PDE1A: variants seen among roughly 807,000 people sequenced by gnomAD.
The protein encoded by PDE1A is phosphodiesterase 1A.
PDE1A carries 35 observed loss-of-function variants against 61.7 expected under a neutral mutation model. That is an observed-to-expected ratio of 0.57 (90% confidence interval 0.43 to 0.75). The LOEUF (loss-of-function observed/expected upper bound fraction) is 0.75, where lower values mean the gene tolerates loss of function less well. Among genes scored for constraint, PDE1A ranks in the 30% least tolerant of loss-of-function variants. The pLI is 0.00. For synonymous variants in PDE1A, 232 were observed against 213.2 expected (o/e 1.09, Z -0.77); for missense variants, 597 against 630.6 (o/e 0.95, Z 0.57).
chr2:182,570,765 G>C, the PDE1A span, among the ~76,000 whole-genome samples: 1 of 152,108 alleles, frequency 6.6e-6, no homozygotes, highest in Non-Finnish European at 1.5e-5. Context: ...TCTTCATCTT[G>C]CTTCTGAGTT....
At chr2:182,639,985 TA>T in the PDE1A span, among the ~76,000 whole-genome samples, 93,257 of 151,498 alleles carry the variant, frequency 0.62, 28,938 homozygotes, top group Admixed American at 0.71. Context: ...TAAAGGATGT[TA>T]AAAAAAATGG....
the PDE1A span, among the ~76,000 whole-genome samples, chr2:182,670,147 A>G: frequency 1.3e-5 from 2 of 152,230 alleles, no homozygotes; most frequent in Non-Finnish European, 2.9e-5. Context: ...AGTGCCCAGT[A>G]CAACCCCATG....
intron 1 of PDE1A, among the ~76,000 whole-genome samples, chr2:182,373,169 T>C (rs942994076): frequency 2.6e-5 from 4 of 152,196 alleles, no homozygotes; most frequent in East Asian, 1.9e-4. Context: ...ATCCTGAATC[T>C]TGGGGTTTAG....
chr2:182,192,655 G>T (rs1685796998), intron 10 of PDE1A, among the ~76,000 whole-genome samples: 1 of 152,084 alleles, frequency 6.6e-6, no homozygotes, highest in African/African-American at 2.4e-5. Flanking sequence ...ATTTGAGGAT[G>T]CTGCCTTCAG....
At chr2:182,203,495 T>C (rs1360668638) in intron 8 of PDE1A, among the ~76,000 whole-genome samples, 2 of 152,160 alleles carry the variant, frequency 1.3e-5, no homozygotes, top group African/African-American at 2.4e-5. Flanking sequence ...ATTACATTTT[T>C]TTCGCTGAAA....
At chr2:182,285,758 G>A (rs570471609) in intron 1 of PDE1A, among the ~76,000 whole-genome samples, 1 of 152,188 alleles carries the variant, frequency 6.6e-6, no homozygotes, top group South Asian at 2.1e-4. Flanking sequence ...TGAGGACAGT[G>A]AGGAAACACA....
the PDE1A span, among the ~76,000 whole-genome samples, chr2:182,553,532 C>G: frequency 1.3e-5 from 2 of 152,132 alleles, no homozygotes; most frequent in African/African-American, 4.8e-5. Flanking sequence ...GCCTGGCATA[C>G]AAAGATTTTT....
chr2:182,372,254 A>T (rs1700162327), intron 1 of PDE1A, among the ~76,000 whole-genome samples: 1 of 152,228 alleles, frequency 6.6e-6, no homozygotes, highest in African/African-American at 2.4e-5. Context: ...CATAACTGCT[A>T]TGAGGAGGAA....
At chr2:182,556,850 C>T in the PDE1A span, among the ~76,000 whole-genome samples, 3 of 152,104 alleles carry the variant, frequency 2.0e-5, no homozygotes, top group Non-Finnish European at 2.9e-5. Context: ...AAGCCTGGTA[C>T]TTAAACACTA....
chr2:182,693,647 T>C, the PDE1A span, among the ~76,000 whole-genome samples: 1 of 150,122 alleles, frequency 6.7e-6, no homozygotes, highest in African/African-American at 2.4e-5. Context: ...CTTTTTTTTT[T>C]TTTTTTTTCT....
intron 1 of PDE1A, among the ~76,000 whole-genome samples, chr2:182,357,699 T>G (rs1228239767): frequency 6.6e-6 from 1 of 152,222 alleles, no homozygotes; most frequent in African/African-American, 2.4e-5. Flanking sequence ...GTGAAAATAC[T>G]ATGAGAAATT....
intron 7 of PDE1A, among the ~76,000 whole-genome samples, chr2:182,218,811 C>T (rs1002123407): frequency 2.0e-5 from 3 of 152,070 alleles, no homozygotes; most frequent in African/African-American, 7.2e-5. Flanking sequence ...CTGGGATAAA[C>T]CCCACTTAGT....
chr2:182,712,352 A>C, the PDE1A span, among the ~76,000 whole-genome samples: 1 of 152,206 alleles, frequency 6.6e-6, no homozygotes, highest in African/African-American at 2.4e-5. Context: ...TGAGGATTAG[A>C]TGGTAATAAG....
chr2:182,456,705 T>A (rs1485531293), intron 2 of PDE1A, among the ~76,000 whole-genome samples: 1 of 152,068 alleles, frequency 6.6e-6, no homozygotes. Context: ...TGGGAAATTT[T>A]AAACTACAAA....
At chr2:182,328,151 C>T (rs534465645) in intron 1 of PDE1A, among the ~76,000 whole-genome samples, 1 of 152,192 alleles carries the variant, frequency 6.6e-6, no homozygotes, top group African/African-American at 2.4e-5. Flanking sequence ...AGTGACAGGG[C>T]AGAGACCAAG....
At chr2:182,456,177 G>T (rs186843576) in intron 2 of PDE1A, among the ~76,000 whole-genome samples, 2 of 152,106 alleles carry the variant, frequency 1.3e-5, no homozygotes, top group East Asian at 3.9e-4. Flanking sequence ...AGTTCTTTCA[G>T]AGTGTGGTCC....
At chr2:182,357,722 G>A (rs1415795009) in intron 1 of PDE1A, among the ~76,000 whole-genome samples, 1 of 152,126 alleles carries the variant, frequency 6.6e-6, no homozygotes, top group Admixed American at 6.6e-5. Flanking sequence ...AACTAAAAAT[G>A]ATAAATTTTA....
At chr2:182,161,233 G>A (rs1033742216) in intron 13 of PDE1A, among the ~76,000 whole-genome samples, 43 of 152,096 alleles carry the variant, frequency 2.8e-4, no homozygotes, top group African/African-American at 6.3e-4. Flanking sequence ...TTTAGCCATG[G>A]GACTTAAACT....
intron 6 of PDE1A, among the ~76,000 whole-genome samples, chr2:182,229,707 CTT>C (rs757554120): frequency 2.0e-5 from 3 of 151,308 alleles, no homozygotes; most frequent in Non-Finnish European, 4.4e-5. Context: ...CTCTAGGTCA[CTT>C]TTTTTGGTTG....
Sources: gnomAD v4.1 joint callset for allele counts (sites outside exome capture counted in the v4.1 genomes callset) on GRCh38, gnomAD v4.1.1 for gene constraint, MANE v1.5 for transcripts, NCBI Gene and HGNC (gene_info 2026-07-23, HGNC 2026-07-21) for gene names.